The following GALR1 variants were observed in gnomAD, a reference collection of about 807,000 sequenced individuals.
The protein encoded by GALR1 is galanin receptor 1.
A neutral mutation model predicts 17.9 loss-of-function variants in GALR1; 11 were observed. The observed-to-expected ratio is 0.62, with a 90% confidence interval of 0.39 to 1.02. The LOEUF (loss-of-function observed/expected upper bound fraction) is 1.02. Ranked by LOEUF, GALR1 falls within the 50% of genes least tolerant of loss-of-function variation. The pLI, the probability that GALR1 is intolerant of heterozygous loss-of-function variation, is 0.01. For synonymous variants in GALR1, 206 were observed against 205.7 expected (o/e 1.00, Z -0.01); for missense variants, 441 against 456.9 (o/e 0.97, Z 0.32).
intron 1 of GALR1, among the ~76,000 whole-genome samples, chr18:77,254,451 C>A (rs1568139670): frequency 6.6e-6 from 1 of 152,216 alleles, no homozygotes; most frequent in Non-Finnish European, 1.5e-5. Flanking sequence ...TTGGAAGGAA[C>A]AATTGGAGCT....
chr18:77,255,967 C>G (rs1228337755), intron 1 of GALR1, among the ~76,000 whole-genome samples, 191 bp from the exon 2 acceptor site: 1 of 152,158 alleles, frequency 6.6e-6, no homozygotes, highest in East Asian at 1.9e-4. Context: ...CTGGCTGCTC[C>G]TAAGTGTTAG....
In GALR1 at chr18:77,269,370, CAA is replaced by C; in HGVS notation, c.*469_*470del. 1 of 153,262 alleles carries C rather than the reference CAA, an allele frequency of 6.5e-6. No individual in the cohort carries two copies. Among genetic ancestry groups the C allele is most frequent in the Non-Finnish European group, 1.5e-5 (1 of 68,858 alleles). The allele number at this position is 153,262 out of a possible 1,614,324, so 9.5% of individuals were successfully genotyped here. A position where few individuals can be genotyped will look rare whatever the true frequency, so the allele number is the denominator to read the frequency against. ...ATTTTAAAATATGATCATGGACACACAATGATGAATTTTTTGGCCATTTACAT... is the reference window on the plus strand; with the variant it reads ...ATTTTAAAATATGATCATGGACACACTGATGAATTTTTTGGCCATTTACAT... On this transcript the variant is annotated 3_prime_UTR_variant, in exon 3 of 3. Transcript: ENST00000299727.
intron 1 of GALR1, among the ~76,000 whole-genome samples, chr18:77,252,971 TCAC>T (rs1912492036): frequency 3.0e-4 from 7 of 23,172 alleles, no homozygotes; most frequent in South Asian, 2.6e-3. Context: ...ACCACCACCA[TCAC>T]CACCATCACC....
At position 77,276,924 on chromosome 18, in the gene GALR1, A is replaced by AAAAAT. The variant is rs1426287118; in HGVS notation, c.*8034_*8038dup. On this transcript the variant is annotated 3_prime_UTR_variant, in exon 3 of 3. Coordinates refer to ENST00000299727, the MANE Select transcript of GALR1 (RefSeq NM_001480.4). ...GAGATTGTTATAATTTTTGCCTCAA[A>AAAAAT]AAAATAAAATAAAATAGCTTGGTGG... 12 of 152,204 alleles carry AAAAAT rather than the reference A, an allele frequency of 7.9e-5. No individual in the cohort carries two copies. Among genetic ancestry groups the AAAAAT allele is most frequent in the Admixed American group, 7.2e-4 (11 of 15,282 alleles). The allele number at this position is 152,204 out of a possible 1,614,324, so 9.4% of individuals were successfully genotyped here. A position where few individuals can be genotyped will look rare whatever the true frequency, so the allele number is the denominator to read the frequency against.
rs1912350354 is a variant in GALR1, at chr18:77,249,905, A to G, written c.-644A>G. 6.6e-6 allele frequency among the ~76,000 whole-genome samples: 1 copy of G among 152,210 alleles called. No individual in the cohort carries two copies. On this transcript the variant is annotated 5_prime_UTR_variant, in exon 1 of 3. Coordinates refer to ENST00000299727, the MANE Select transcript of GALR1 (RefSeq NM_001480.4). ...CTGGCACCCGACTCTATCCACCACCAGGAAGCCTCCCAAAAGAGCTCTCGC... is the reference window on the plus strand; with the variant it reads ...CTGGCACCCGACTCTATCCACCACCGGGAAGCCTCCCAAAAGAGCTCTCGC...
rs5376 is a variant in GALR1, at chr18:77,268,853, G to A, written c.1001G>A (p.Ser334Asn). The A allele has an allele frequency of 0.98, 1,587,998 of 1,613,756 alleles. 784,603 individuals are homozygous for A. Among genetic ancestry groups the A allele is most frequent in the East Asian group, 1 (44,882 of 44,882 alleles). ...KDSHLSDTKE[S>N]KSRIDTPPST... is the part of the protein sequence containing the mutation. ...TCACACCTGAGTGATACTAAAGAAAGTAAAAGTCGAATAGACACCCCACCA... is the reference window on the plus strand; with the variant it reads ...TCACACCTGAGTGATACTAAAGAAAATAAAAGTCGAATAGACACCCCACCA... Residue 334 changes from serine to asparagine, a missense_variant, in exon 3 of 3, where the codon AGT becomes AAT. By Grantham distance (46) the Ser-to-Asn change is conservative. Coordinates refer to ENST00000299727, the MANE Select transcript of GALR1 (RefSeq NM_001480.4).
At chr18:77,259,576 AGTGATG>A in intron 2 of GALR1, among the ~76,000 whole-genome samples, 1 of 128,580 alleles carries the variant, frequency 7.8e-6, no homozygotes, top group East Asian at 2.4e-4. Flanking sequence ...TGGTCATGGC[AGTGATG>A]GTGATGGTGG....
rs1440471142 is a variant in GALR1, at chr18:77,274,057, C to T, written c.*5155C>T. On this transcript the variant is annotated 3_prime_UTR_variant, in exon 3 of 3. Coordinates refer to ENST00000299727, the MANE Select transcript of GALR1 (RefSeq NM_001480.4). The stretch of plus-strand genomic sequence containing the variant: ...TGGGTTTTCTATGGGACACCATATA[C>T]CACAGTACTGTATTTCAAAATATTG... 2 of 152,052 alleles carry T rather than the reference C, an allele frequency of 1.3e-5. No homozygotes were observed. Among genetic ancestry groups the T allele is most frequent in the African/African-American group, 2.4e-5 (1 of 41,402 alleles). The allele number at this position is 152,052 out of a possible 1,614,324, so 9.4% of individuals were successfully genotyped here.
In GALR1 at chr18:77,252,881, TCACCACCACCAC is replaced by T. The variant is rs1568138972; in HGVS notation, c.666+1670_666+1681del. The stretch of plus-strand genomic sequence containing the variant: ...ACCACCACCACCACCACCACCACCA[TCACCACCACCAC>T]CATCACCACCACCACCACCACCACC... On this transcript the variant is annotated intron_variant, in intron 1 of 2. Coordinates refer to ENST00000299727, the MANE Select transcript of GALR1 (RefSeq NM_001480.4). Among the ~76,000 whole-genome samples the T allele has an allele frequency of 5.8e-4, 32 of 55,304 alleles. 2 individuals carry two copies. The East Asian group carries it at 0.018, about 31-fold the overall frequency. The allele number at this position is 55,304 out of a possible 152,430, so 36.3% of individuals were successfully genotyped here.
chr18:77,268,929 A>T lies in GALR1; in HGVS notation c.*27A>T, dbSNP rs1002259772. The T allele has an allele frequency of 3.2e-6, 5 of 1,540,638 alleles. No individual in the cohort carries two copies. Among genetic ancestry groups the T allele is most frequent in the Non-Finnish European group, 3.6e-6 (4 of 1,120,128 alleles). On this transcript the variant is annotated 3_prime_UTR_variant, in exon 3 of 3. Coordinates refer to ENST00000299727, the MANE Select transcript of GALR1 (RefSeq NM_001480.4). ...AAAAGATAGAGTATCCTTATGGTTG[A>T]GTTTCCATATAAGTGGACCAGACAC...
At chr18:77,259,393 G>GTGGTGGTCA (rs1196291750) in intron 2 of GALR1, among the ~76,000 whole-genome samples, 1 of 142,162 alleles carries the variant, frequency 7.0e-6, no homozygotes, top group Non-Finnish European at 1.6e-5. Context: ...GTTGGTGTTG[G>GTGGTGGTCA]TGGTGGTCAT....
Position 77,250,606 on chromosome 18 carries a change from GC to G in GALR1, c.62del (p.Pro21ArgfsTer22). On this transcript the variant is annotated frameshift_variant, in exon 1 of 3. Coordinates refer to ENST00000299727, the MANE Select transcript of GALR1 (RefSeq NM_001480.4). LOFTEE classifies it high-confidence loss of function. The part of the protein sequence containing the change: ...EGNASWPEPP[A>X]PEPGPLFGIG... Reference sequence around the variant, plus strand: ...CAACGCGAGCTGGCCGGAGCCCCCCGCCCCGGAGCCCGGGCCGCTGTTCGGC... The same window carrying G: ...CAACGCGAGCTGGCCGGAGCCCCCCGCCCGGAGCCCGGGCCGCTGTTCGGC... 6.4e-7 allele frequency: 1 copy of G among 1,562,588 alleles called. No individual in the cohort carries two copies. Among genetic ancestry groups the G allele is most frequent in the South Asian group, 1.2e-5 (1 of 86,292 alleles).
chr18:77,252,995 C>CCACCAT (rs1912498366), intron 1 of GALR1, among the ~76,000 whole-genome samples: 3 of 43,716 alleles, frequency 6.9e-5, no homozygotes, highest in Admixed American at 1.9e-4. Context: ...ACCATCACCA[C>CCACCAT]CACCACCACC....
intron 1 of GALR1, among the ~76,000 whole-genome samples, chr18:77,252,915 C>T (rs975839961): frequency 8.0e-6 from 1 of 124,854 alleles, no homozygotes; most frequent in African/African-American, 2.9e-5. Context: ...CCACCACCAC[C>T]ACCACCATCA....
Position 77,256,523 on chromosome 18 carries a change from A to ACAGAGTGCAGAGTG in GALR1, c.732+307_732+320dup, listed in dbSNP as rs1555672433. On this transcript the variant is annotated intron_variant, in intron 2 of 2. Coordinates refer to ENST00000299727, the MANE Select transcript of GALR1 (RefSeq NM_001480.4). ...GGTGAGTGCACTTAGGTTGACTGAGACAGAGTGCAGAGTGCAGAGTTGCTG... is the reference window on the plus strand; with the variant it reads ...GGTGAGTGCACTTAGGTTGACTGAGACAGAGTGCAGAGTGCAGAGTGCAGAGTGCAGAGTTGCTG... 1.1e-3 allele frequency among the ~76,000 whole-genome samples: 170 copies of ACAGAGTGCAGAGTG among 150,936 alleles called. 1 individual carries two copies. The highest frequency in any genetic ancestry group is 3.3e-3 in the East Asian group (17 of 5,128).
rs1912998882 is a variant in GALR1, at chr18:77,268,760, A to G, written c.908A>G (p.Tyr303Cys). ...AATTCCTCCGTGAATCCTATCATTT[A>G]TGCATTTCTCTCTGAAAATTTCAGG... is the stretch of plus-strand genomic sequence containing the variant. ...YSNSSVNPII[Y>C]AFLSENFRKA... The change falls in exon 3 of 3, where the codon TAT (tyrosine) becomes TGT (cysteine). Residue 303 changes from tyrosine (Y) to cysteine (C), a missense_variant. Coordinates refer to ENST00000299727, the MANE Select transcript of GALR1 (RefSeq NM_001480.4). 1 of 1,614,174 alleles carries G rather than the reference A, an allele frequency of 6.2e-7. No homozygotes were observed. Among genetic ancestry groups the G allele is most frequent in the Non-Finnish European group, 8.5e-7 (1 of 1,180,028 alleles).
At chr18:77,257,868 C>T (rs887484529) in intron 2 of GALR1, among the ~76,000 whole-genome samples, 8 of 152,138 alleles carry the variant, frequency 5.3e-5, no homozygotes, top group Non-Finnish European at 7.4e-5. Context: ...GGATTGGGCT[C>T]GTCAAACTTT....
intron 2 of GALR1, among the ~76,000 whole-genome samples, chr18:77,258,905 GGC>G (rs1912709697): frequency 7.5e-6 from 1 of 133,418 alleles, no homozygotes; most frequent in Admixed American, 8.0e-5. Flanking sequence ...GATGGTGGTG[GGC>G]GGTAGTGGTG....
At chr18:77,258,122 T>A (rs1912632474) in intron 2 of GALR1, among the ~76,000 whole-genome samples, 1 of 152,196 alleles carries the variant, frequency 6.6e-6, no homozygotes, top group African/African-American at 2.4e-5. Flanking sequence ...TATTTTATTT[T>A]ACAATAAAAA....
Sources: allele counts gnomAD v4.1 joint callset (sites outside exome capture counted in the v4.1 genomes callset), GRCh38; gene constraint gnomAD v4.1.1; transcripts MANE v1.5; gene names NCBI Gene and HGNC (gene_info 2026-07-23, HGNC 2026-07-21).